Variants in RHEB observed in about 807,000 individuals in gnomAD.
RHEB encodes the protein Ras homolog, mTORC1 binding.
RHEB carries 2 observed loss-of-function variants against 28.8 expected under a neutral mutation model. That is an observed-to-expected ratio of 0.07 (90% CI 0.03 to 0.22). The LOEUF (loss-of-function observed/expected upper bound fraction) is 0.22. RHEB is among the 10% of genes least tolerant of loss of function. The pLI is 1.00. For missense variants in RHEB, 76 were observed against 219.9 expected (o/e 0.35, Z 4.14); for synonymous variants, 69 against 77.3 (o/e 0.89, Z 0.56).
At position 151,477,473 on chromosome 7, in the gene RHEB, T is replaced by C. The variant is rs1318237342; in HGVS notation, c.193-58A>G. 1.1e-5 allele frequency: 11 copies of C among 990,620 alleles called. No homozygotes were observed. In the East Asian group the frequency reaches 2.5e-4, roughly 22 times the overall value. The allele number at this position is 990,620 out of a possible 1,614,324, so 61.4% of individuals were successfully genotyped here. On this transcript the variant is annotated intron_variant, in intron 3 of 7. Coordinates refer to ENST00000262187, the MANE Select transcript of RHEB (RefSeq NM_005614.4). ...TTCATATAGCATCACAAACAAACTT[T>C]ACCCAAAGTTTTTCATGTATTACCT...
intron 1 of RHEB, among the ~76,000 whole-genome samples, chr7:151,494,693 A>G (rs1029362855): frequency 2.0e-5 from 3 of 152,178 alleles, no homozygotes; most frequent in African/African-American, 7.2e-5. Flanking sequence ...GCCCTAGGAG[A>G]AAGGTACTGT....
intron 3 of RHEB, among the ~76,000 whole-genome samples, chr7:151,483,288 C>A (rs896431403): frequency 6.6e-6 from 1 of 152,208 alleles, no homozygotes; most frequent in Non-Finnish European, 1.5e-5. Flanking sequence ...GGAATTCATT[C>A]CAAACCCACA....
At chr7:151,467,397 C>A (rs1266131645) in intron 7 of RHEB, among the ~76,000 whole-genome samples, 186 bp from the exon 8 acceptor site, 2 of 152,060 alleles carry the variant, frequency 1.3e-5, no homozygotes, top group African/African-American at 2.4e-5. Context: ...CCCTCCTGAC[C>A]CAGACCATAA....
chr7:151,500,742 T>C (rs1802759084), intron 1 of RHEB, among the ~76,000 whole-genome samples: 1 of 152,160 alleles, frequency 6.6e-6, no homozygotes, highest in Non-Finnish European at 1.5e-5. Flanking sequence ...TAAAAATGTA[T>C]AGGATCCAAA....
chr7:151,493,205 G>A (rs752385943), intron 1 of RHEB, among the ~76,000 whole-genome samples: 7 of 151,922 alleles, frequency 4.6e-5, no homozygotes, highest in Non-Finnish European at 7.4e-5. Context: ...TTACCACTCT[G>A]ACCTCATCCG....
intron 1 of RHEB, 94 bp downstream of exon 1, chr7:151,519,353 CCGCCACATGGCCG>C (rs1803139931): frequency 1.3e-6 from 1 of 791,004 alleles, no homozygotes; most frequent in Non-Finnish European, 1.7e-6. Flanking sequence ...CCCGCCCGCC[CCGCCACATGGCCG>C]CGCCGGCTCC....
At chr7:151,483,575 G>A (rs1428159679) in intron 3 of RHEB, among the ~76,000 whole-genome samples, 2 of 152,174 alleles carry the variant, frequency 1.3e-5, no homozygotes, top group African/African-American at 2.4e-5. Flanking sequence ...AAAATTAGCC[G>A]GGTGTGGTGG....
At chr7:151,516,676 TTTTTG>T (rs1803086651) in intron 1 of RHEB, among the ~76,000 whole-genome samples, 2 of 151,996 alleles carry the variant, frequency 1.3e-5, no homozygotes, top group Non-Finnish European at 2.9e-5. Flanking sequence ...ACATAGCACT[TTTTTG>T]TTTTATCTGA....
chr7:151,480,078 G>A (rs1371207705), intron 3 of RHEB, among the ~76,000 whole-genome samples: 1 of 152,204 alleles, frequency 6.6e-6, no homozygotes, highest in African/African-American at 2.4e-5. Context: ...AACACATAGT[G>A]CTGGTGAGGG....
chr7:151,496,238 C>T (rs1370502985), intron 1 of RHEB, among the ~76,000 whole-genome samples: 2 of 152,180 alleles, frequency 1.3e-5, no homozygotes, highest in African/African-American at 4.8e-5. Flanking sequence ...CATGCAACTT[C>T]AGCAACCCAC....
intron 1 of RHEB, among the ~76,000 whole-genome samples, chr7:151,496,328 A>G (rs1458520561): frequency 1.3e-5 from 2 of 152,010 alleles, no homozygotes; most frequent in South Asian, 2.1e-4. Context: ...CCACCTATCA[A>G]TCAATACACA....
chr7:151,502,853 G>T, intron 1 of RHEB: 1 of 967,394 alleles, frequency 1.0e-6, no homozygotes, highest in South Asian at 1.3e-5. Context: ...TGGATCTGCT[G>T]ACTTTGAACT....
intron 1 of RHEB, chr7:151,503,000 CAAGAA>C (rs1455525790): frequency 1.3e-6 from 1 of 783,520 alleles, no homozygotes; most frequent in South Asian, 1.3e-5. Flanking sequence ...GAAATTCATT[CAAGAA>C]AAGAAATCAA....
At position 151,474,010 on chromosome 7, in the gene RHEB, G is replaced by A. The variant is rs550841796; in HGVS notation, c.276-2405C>T. 1.2e-4 allele frequency among the ~76,000 whole-genome samples: 18 copies of A among 152,114 alleles called. No homozygotes were observed. The South Asian group carries it at 3.7e-3, about 32-fold the overall frequency. ...AGAAACCGAACCAGAAGTCATAATG[G>A]ACAAATCGTGGATGTAGTCATACTG... is the stretch of plus-strand genomic sequence containing the variant. On this transcript the variant is annotated intron_variant, in intron 4 of 7. Transcript: ENST00000262187.
chr7:151,479,637 C>A (rs372417240), intron 3 of RHEB, among the ~76,000 whole-genome samples: 2 of 148,466 alleles, frequency 1.3e-5, no homozygotes, highest in African/African-American at 5.0e-5. Context: ...GAGCCGAGAT[C>A]GCGCCACAGC....
At position 151,466,713 on chromosome 7, in the gene RHEB, G is replaced by T. The variant is rs1802070044; in HGVS notation, c.*406C>A. 6.3e-6 allele frequency: 1 copy of T among 159,092 alleles called. No individual in the cohort carries two copies. Among genetic ancestry groups the T allele is most frequent in the Non-Finnish European group, 1.4e-5 (1 of 72,794 alleles). The allele number at this position is 159,092 out of a possible 1,614,324, so 9.9% of individuals were successfully genotyped here. A position where few individuals can be genotyped will look rare whatever the true frequency, so the allele number is the denominator to read the frequency against. On this transcript the variant is annotated 3_prime_UTR_variant, in exon 8 of 8. Transcript: ENST00000262187. ...ACATCAAGTAGCACAAAGGACTGAG[G>T]TTTGCAGCTATTTTATTTACAAGTA...
chr7:151,504,201 C>A (rs1384625219), intron 1 of RHEB, among the ~76,000 whole-genome samples: 1 of 152,202 alleles, frequency 6.6e-6, no homozygotes. Context: ...TTTGTATCAA[C>A]GTTCTGACAA....
intron 1 of RHEB, among the ~76,000 whole-genome samples, chr7:151,509,202 C>A (rs575179955): frequency 6.6e-6 from 1 of 152,242 alleles, no homozygotes; most frequent in Non-Finnish European, 1.5e-5. Context: ...AACAATCCTG[C>A]GGTGTGAGGG....
At chr7:151,511,911 A>G (rs1802997145) in intron 1 of RHEB, among the ~76,000 whole-genome samples, 1 of 152,208 alleles carries the variant, frequency 6.6e-6, no homozygotes, top group Admixed American at 6.5e-5. Context: ...TTGGCCTCCC[A>G]AAGTGCTGGA....
Sources: allele counts gnomAD v4.1 joint callset (sites outside exome capture counted in the v4.1 genomes callset), GRCh38; gene constraint gnomAD v4.1.1; transcripts MANE v1.5; gene names NCBI Gene and HGNC (gene_info 2026-07-23, HGNC 2026-07-21).